The following SIPA1L1 variants were observed in gnomAD, a reference collection of about 807,000 sequenced individuals.
SIPA1L1 encodes signal-induced proliferation-associated 1-like protein 1.
SIPA1L1 carries 26 observed loss-of-function variants against 162.7 expected under a neutral mutation model. The observed-to-expected ratio is 0.16, with a 90% CI of 0.12 to 0.22. The LOEUF is 0.22. SIPA1L1 is among the 10% of genes least tolerant of loss of function. The pLI is 1.00. For synonymous variants in SIPA1L1, 829 were observed against 837.4 expected (o/e 0.99, Z 0.17); for missense variants, 1,874 against 2,241.0 (o/e 0.84, Z 3.31).
chr14:71,724,880 G>C (rs2084083925), intron 19 of SIPA1L1, 45 bp downstream of exon 19: 3 of 1,540,976 alleles, frequency 1.9e-6, no homozygotes, highest in Non-Finnish European at 2.7e-6. Context: ...AAACAAGCCA[G>C]ACATGATGGG....
At chr14:71,643,721 A>G (rs1288993718) in intron 7 of SIPA1L1, among the ~76,000 whole-genome samples, 2 of 152,226 alleles carry the variant, frequency 1.3e-5, no homozygotes, top group Admixed American at 6.5e-5. Context: ...ACTTGGAGAA[A>G]GAAGGACTTT....
intron 12 of SIPA1L1, among the ~76,000 whole-genome samples, chr14:71,674,419 C>T (rs541643818): frequency 6.6e-6 from 1 of 152,232 alleles, no homozygotes; most frequent in South Asian, 2.1e-4. Context: ...TGTGGTGTGT[C>T]AGTGAAAATA....
intron 2 of SIPA1L1, among the ~76,000 whole-genome samples, chr14:71,481,529 G>A (rs77132132): frequency 6.6e-6 from 1 of 151,326 alleles, no homozygotes; most frequent in Non-Finnish European, 1.5e-5. Context: ...AAAAAAAAAA[G>A]TCCCCAAAAA....
Position 71,650,335 on chromosome 14 carries a change from C to G in SIPA1L1, c.1819C>G (p.Leu607Val), listed in dbSNP as rs1172177518. 1 of 1,613,960 alleles carries G rather than the reference C, an allele frequency of 6.2e-7. No homozygotes were observed. Among genetic ancestry groups the G allele is most frequent in the South Asian group, 1.1e-5 (1 of 91,074 alleles). ...EQLMKLDEQG[L>V]NYQQKVGIMY... ...TGCATCGTATTACCTGCCTTCACAG[C>G]TGAACTACCAGCAGAAAGTAGGCAT... Residue 607 changes from leucine to valine, a missense_variant and splice_region_variant, in exon 8 of 24, where the codon CTG becomes GTG. Leu to Val is a conservative substitution (Grantham distance 32). Transcript: ENST00000381232.
chr14:71,377,741 G>A lies in SIPA1L1; in HGVS notation c.-465+56560G>A, dbSNP rs902731691. Reference sequence around the variant, plus strand: ...TGCAATCCTGGCACCTCGGGAGGCCGAGGCGGGCAGATCACCCGAGTTCAG... The same window carrying A: ...TGCAATCCTGGCACCTCGGGAGGCCAAGGCGGGCAGATCACCCGAGTTCAG... On this transcript the variant is annotated intron_variant, in intron 2 of 23. Transcript: ENST00000381232. The surrounding 1 kb of genome is among the most constrained non-coding windows in gnomAD (Gnocchi z 4.8). Among the ~76,000 whole-genome samples, 8 of 152,234 alleles carry A rather than the reference G, an allele frequency of 5.3e-5. No individual in the cohort carries two copies. The highest frequency in any genetic ancestry group is 1.2e-4 in the African/African-American group (5 of 41,470).
At chr14:71,687,466 C>T (rs975985348) in intron 13 of SIPA1L1, among the ~76,000 whole-genome samples, 1 of 152,166 alleles carries the variant, frequency 6.6e-6, no homozygotes, top group African/African-American at 2.4e-5. Flanking sequence ...TCTTTCTCTC[C>T]AGAACAATCA....
intron 14 of SIPA1L1, among the ~76,000 whole-genome samples, chr14:71,701,962 GAAAC>G (rs750557532): frequency 5.9e-5 from 9 of 152,176 alleles, no homozygotes; most frequent in Non-Finnish European, 1.3e-4. Flanking sequence ...CAAGTTAAGA[GAAAC>G]AAACCTCCAC....
chr14:71,514,164 C>T (rs1567133323), intron 3 of SIPA1L1, among the ~76,000 whole-genome samples: 2 of 152,166 alleles, frequency 1.3e-5, no homozygotes, highest in Admixed American at 6.6e-5. Context: ...TGCAAAGATA[C>T]TGAGGGTGAC....
intron 2 of SIPA1L1, among the ~76,000 whole-genome samples, chr14:71,352,403 A>G (rs368645088): frequency 6.6e-6 from 1 of 151,812 alleles, no homozygotes; most frequent in Non-Finnish European, 1.5e-5. Context: ...AGGTCTGGTT[A>G]CCCCCCCTCC....
chr14:71,532,001 A>G (rs2053489001), intron 4 of SIPA1L1, among the ~76,000 whole-genome samples: 1 of 152,084 alleles, frequency 6.6e-6, no homozygotes, highest in African/African-American at 2.4e-5. Flanking sequence ...AAAATTTACA[A>G]CAATATAATT....
At chr14:71,580,812 G>T (rs531231230) in intron 4 of SIPA1L1, among the ~76,000 whole-genome samples, 2 of 152,236 alleles carry the variant, frequency 1.3e-5, no homozygotes, top group Admixed American at 6.5e-5. Context: ...GCAACAGAAA[G>T]ATGGCTTTTT....
At chr14:71,560,293 C>T (rs2056682513) in intron 4 of SIPA1L1, among the ~76,000 whole-genome samples, 1 of 152,178 alleles carries the variant, frequency 6.6e-6, no homozygotes, top group Non-Finnish European at 1.5e-5. Context: ...TAAAAAGTAG[C>T]CCCAGAAATC....
intron 2 of SIPA1L1, chr14:71,321,690 G>A (rs930679608): frequency 6.6e-6 from 1 of 152,300 alleles, no homozygotes; most frequent in African/African-American, 2.4e-5. Context: ...TCCGGGGAGC[G>A]AGTAAACCGC....
At chr14:71,461,278 TG>T (rs35730176) in intron 2 of SIPA1L1, among the ~76,000 whole-genome samples, 24,703 of 152,154 alleles carry the variant, frequency 0.16, 2,621 homozygotes, top group Middle Eastern at 0.35. Flanking sequence ...TCTCTGCAGC[TG>T]GCAAATTGGG....
intron 5 of SIPA1L1, among the ~76,000 whole-genome samples, chr14:71,592,341 T>C (rs929194173): frequency 3.3e-5 from 5 of 152,222 alleles, no homozygotes; most frequent in African/African-American, 1.2e-4. Flanking sequence ...CTGTACATTT[T>C]AAAAATTGTT....
At chr14:71,501,849 C>G (rs533916087) in intron 2 of SIPA1L1, among the ~76,000 whole-genome samples, 4 of 151,948 alleles carry the variant, frequency 2.6e-5, no homozygotes, top group Middle Eastern at 3.4e-3. Context: ...CAAACCATGG[C>G]GAAACCCCGT....
intron 2 of SIPA1L1, among the ~76,000 whole-genome samples, chr14:71,374,918 A>T (rs1159301399): frequency 6.6e-6 from 1 of 152,146 alleles, no homozygotes; most frequent in Non-Finnish European, 1.5e-5. Flanking sequence ...CAGTATTATC[A>T]TTTGAATGTT....
chr14:71,456,822 G>C (rs755341298), intron 2 of SIPA1L1, among the ~76,000 whole-genome samples: 15 of 152,090 alleles, frequency 9.9e-5, no homozygotes, highest in South Asian at 2.1e-4. Flanking sequence ...TGTGTTTCTT[G>C]ATCTGGAGAA....
intron 16 of SIPA1L1, among the ~76,000 whole-genome samples, chr14:71,707,338 A>G (rs1301290334): frequency 6.6e-6 from 1 of 152,178 alleles, no homozygotes; most frequent in Non-Finnish European, 1.5e-5. Context: ...TTAAATTGAG[A>G]TATAATTCAC....
Sources: gnomAD v4.1 joint callset for allele counts (sites outside exome capture counted in the v4.1 genomes callset) on GRCh38, gnomAD v4.1.1 for gene constraint, Gnocchi (gnomAD v3.1) non-coding constraint, MANE v1.5 for transcripts, NCBI Gene and HGNC (gene_info 2026-07-23, HGNC 2026-07-21) for gene names.